Variants in SNX27 observed in about 807,000 individuals in gnomAD.
SNX27 encodes the protein sorting nexin-27.
SNX27 carries 22 observed loss-of-function variants against 71.6 expected under a neutral mutation model. That is an observed-to-expected ratio of 0.31 (90% confidence interval 0.22 to 0.44). The LOEUF (loss-of-function observed/expected upper bound fraction) is 0.44. Ranked by LOEUF, SNX27 falls within the 20% of genes least tolerant of loss-of-function variation. The probability of loss-of-function intolerance (pLI) is 1.00; values close to 1 mark genes in which losing one functional copy is unlikely to be tolerated. For synonymous variants in SNX27, 269 were observed against 277.2 expected (o/e 0.97, Z 0.29); for missense variants, 531 against 698.6 (o/e 0.76, Z 2.70).
At chr1:151,675,788 T>G (rs1338058661) in intron 7 of SNX27, 1 of 128,092 alleles carries the variant, frequency 7.8e-6, no homozygotes, top group African/African-American at 2.8e-5. Flanking sequence ...CCTCCCTCCC[T>G]CCCTTCCTTC....
At chr1:151,670,634 T>G (rs1670418001) in intron 7 of SNX27, among the ~76,000 whole-genome samples, 1 of 151,578 alleles carries the variant, frequency 6.6e-6, no homozygotes, top group East Asian at 1.9e-4. Flanking sequence ...TGTGCATTTC[T>G]TTTTTTTTCC....
intron 11 of SNX27, 173 bp from the exon 12 acceptor site, chr1:151,694,197 A>C: frequency 7.3e-7 from 1 of 1,370,054 alleles, no homozygotes; most frequent in Non-Finnish European, 9.4e-7. Context: ...TTAATATCCA[A>C]GGTCCCTTCC....
intron 1 of SNX27, among the ~76,000 whole-genome samples, chr1:151,633,972 G>GT (rs770267309): frequency 0.055 from 7,898 of 143,726 alleles, 240 homozygotes; most frequent in Non-Finnish European, 0.072. Context: ...GTGTATGTGT[G>GT]TTTTTTTTTT....
Position 151,612,482 on chromosome 1 carries a change from G to C in SNX27, c.281G>C (p.Gly94Ala). The C allele has an allele frequency of 7.1e-7, 1 of 1,404,316 alleles. No homozygotes were observed. The highest frequency in any genetic ancestry group is 1.6e-5 in the South Asian group (1 of 61,374). The allele number at this position is 1,404,316 out of a possible 1,614,324, so 87.0% of individuals were successfully genotyped here. Residue 94 changes from glycine (G) to alanine (A), a missense_variant, in exon 1 of 12, where the codon GGG (glycine) becomes GCG (alanine). Transcript: ENST00000458013. The surrounding 1 kb of genome is among the most constrained non-coding windows in gnomAD (Gnocchi z 5.2). Reference sequence around the variant, plus strand: ...CCCGGGGGGGCGGCCGATCGGGCCGGGGTGCGCAAGGGGGACCGCATCCTG... The same window carrying C: ...CCCGGGGGGGCGGCCGATCGGGCCGCGGTGCGCAAGGGGGACCGCATCCTG... ...VLPGGAADRA[G>A]VRKGDRILEV...
intron 7 of SNX27, among the ~76,000 whole-genome samples, chr1:151,670,159 G>A (rs1670395933): frequency 6.6e-6 from 1 of 152,068 alleles, no homozygotes; most frequent in African/African-American, 2.4e-5. Flanking sequence ...GTCTTTCTGT[G>A]CCTGGCTTAT....
At chr1:151,617,893 T>G (rs1245572593) in intron 1 of SNX27, among the ~76,000 whole-genome samples, 2 of 151,134 alleles carry the variant, frequency 1.3e-5, no homozygotes, top group African/African-American at 2.4e-5. Context: ...TTTTTTTTTT[T>G]TTTTTTTTAA....
chr1:151,693,007 A>G lies in SNX27; in HGVS notation c.1486A>G (p.Lys496Glu). Residue 496 changes from lysine (K) to glutamate (E), a missense_variant, in exon 10 of 12, where the codon AAG becomes GAG. Physicochemically the swap from Lys to Glu is moderately conservative, Grantham distance 56. Transcript: ENST00000458013. ...FCFEYARGEK[K>E]PRWVKIFTPY... ...TTTCGAATATGCACGAGGAGAGAAG[A>G]AGCCCCGATGGGTTAAAATCTTCAC... is the stretch of plus-strand genomic sequence containing the variant. 1 of 1,614,192 alleles carries G rather than the reference A, an allele frequency of 6.2e-7. No individual in the cohort carries two copies. Among genetic ancestry groups the G allele is most frequent in the Non-Finnish European group, 8.5e-7 (1 of 1,180,022 alleles).
intron 2 of SNX27, among the ~76,000 whole-genome samples, chr1:151,648,742 T>C (rs201542897): frequency 4.0e-5 from 4 of 99,220 alleles, no homozygotes; most frequent in Admixed American, 9.2e-5. Context: ...TCTGATGCAC[T>C]TTATTCCTTT....
chr1:151,668,201 G>A (rs972412971), intron 6 of SNX27, among the ~76,000 whole-genome samples: 13 of 152,142 alleles, frequency 8.5e-5, no homozygotes, highest in Non-Finnish European at 1.9e-4. Context: ...GAACTTTGCG[G>A]GGTGACAAAT....
chr1:151,646,310 C>A (rs1354888787), intron 2 of SNX27, among the ~76,000 whole-genome samples: 1 of 151,998 alleles, frequency 6.6e-6, no homozygotes, highest in Non-Finnish European at 1.5e-5. Context: ...TCCAGTCTGG[C>A]AATGTTTTTA....
At chr1:151,661,518 T>G (rs1233965925) in intron 4 of SNX27, 1 of 152,284 alleles carries the variant, frequency 6.6e-6, no homozygotes, top group African/African-American at 2.4e-5. Context: ...TGGTCTGAAA[T>G]AATTTTCTCT....
intron 7 of SNX27, among the ~76,000 whole-genome samples, chr1:151,671,614 T>C (rs1467657344): frequency 2.0e-5 from 3 of 152,116 alleles, no homozygotes; most frequent in African/African-American, 7.2e-5. Flanking sequence ...GGATAGTTTT[T>C]TTTTTCTATT....
chr1:151,656,148 G>A (rs542414193), intron 2 of SNX27, among the ~76,000 whole-genome samples: 1 of 151,568 alleles, frequency 6.6e-6, no homozygotes, highest in South Asian at 2.1e-4. Context: ...GCGTGAACCC[G>A]GGGGGCGGAG....
chr1:151,659,829 A>G (rs1213714048), intron 3 of SNX27: 1 of 152,202 alleles, frequency 6.6e-6, no homozygotes, highest in East Asian at 1.9e-4. Flanking sequence ...CTACATTATA[A>G]AGTTATATTA....
At chr1:151,631,476 A>T (rs1196947987) in intron 1 of SNX27, among the ~76,000 whole-genome samples, 2 of 152,184 alleles carry the variant, frequency 1.3e-5, no homozygotes, top group African/African-American at 4.8e-5. Context: ...CTAAAATAGA[A>T]ACAATTTGTA....
At position 151,612,152 on chromosome 1, in the gene SNX27, G is replaced by A; in HGVS notation, c.-50G>A. ...TGCCAGGCAGGGCGAGCACGCGCCG[G>A]GAGGCCTTGGAGGCGTAGGGGGCGG... On this transcript the variant is annotated 5_prime_UTR_variant, in exon 1 of 12. Transcript: ENST00000458013. The surrounding 1 kb of genome is among the most constrained non-coding windows in gnomAD (Gnocchi z 5.2). The A allele has an allele frequency of 7.8e-7, 1 of 1,284,862 alleles. No individual in the cohort carries two copies. Among genetic ancestry groups the A allele is most frequent in the Middle Eastern group, 2.9e-4 (1 of 3,492 alleles). The allele number at this position is 1,284,862 out of a possible 1,614,324, so 79.6% of individuals were successfully genotyped here.
At chr1:151,641,647 A>ATATC (rs1668749936) in intron 2 of SNX27, among the ~76,000 whole-genome samples, 1 of 118,932 alleles carries the variant, frequency 8.4e-6, no homozygotes, top group Admixed American at 9.2e-5. Context: ...TATCATATAT[A>ATATC]TATCATATGT....
chr1:151,626,685 G>A (rs879423704), intron 1 of SNX27, among the ~76,000 whole-genome samples: 1 of 151,582 alleles, frequency 6.6e-6, no homozygotes, highest in Non-Finnish European at 1.5e-5. Flanking sequence ...CTGGGCGACA[G>A]AGCAAGACTC....
chr1:151,641,628 T>TATATATATATCA, intron 2 of SNX27, among the ~76,000 whole-genome samples: 1 of 124,186 alleles, frequency 8.1e-6, no homozygotes, highest in Non-Finnish European at 1.7e-5. Flanking sequence ...TATATATATA[T>TATATATATATCA]ATCATATGTA....
Sources: allele counts gnomAD v4.1 joint callset (sites outside exome capture counted in the v4.1 genomes callset), GRCh38; gene constraint gnomAD v4.1.1; non-coding constraint Gnocchi (gnomAD v3.1); transcripts MANE v1.5; gene names NCBI Gene and HGNC (gene_info 2026-07-23, HGNC 2026-07-21).